Variants in HUWE1 observed in about 807,000 individuals in gnomAD.
The protein encoded by HUWE1 is HECT, UBA and WWE domain containing E3 ubiquitin protein ligase 1.
HUWE1 carries 18 observed loss-of-function variants against 299.4 expected under a neutral mutation model. The observed-to-expected ratio is 0.06, with a 90% CI of 0.04 to 0.09. The LOEUF (loss-of-function observed/expected upper bound fraction) is 0.09, where lower values mean the gene tolerates loss of function less well. Among genes scored for constraint, HUWE1 ranks in the 10% least tolerant of loss-of-function variants. The pLI is 1.00. For missense variants in HUWE1, 1,832 were observed against 3,462.3 expected, an observed-to-expected ratio of 0.53 and a Z score of 11.82; for synonymous variants, 1,317 against 1,286.1, an observed-to-expected ratio of 1.02 and a Z score of -0.51.
intron 76 of HUWE1, 126 bp downstream of exon 76, chrX:53,538,709 C>G (rs1556915373): frequency 3.3e-6 from 2 of 613,807 alleles, no homozygotes; most frequent in Non-Finnish European, 5.1e-6. Flanking sequence ...CACACACACA[C>G]ACACACACAC....
chrX:53,571,169 T>C (rs1488668369), intron 47 of HUWE1, among the ~76,000 whole-genome samples: 1 of 112,065 alleles, frequency 8.9e-6, no homozygotes, highest in African/African-American at 3.2e-5. Flanking sequence ...AACAATAGTA[T>C]TTATAAAGCA....
intron 23 of HUWE1, among the ~76,000 whole-genome samples, chrX:53,613,114 G>A (rs980780086): frequency 1.8e-5 from 2 of 111,532 alleles, no homozygotes; most frequent in East Asian, 2.8e-4. Context: ...AAAAAAAGTC[G>A]TGCTTTTTTC....
chrX:53,633,262 G>T lies in HUWE1; in HGVS notation c.568-698C>A, dbSNP rs1157021808. On this transcript the variant is annotated intron_variant, in intron 8 of 83. Transcript: ENST00000262854. ...GACACCACTTGCAGTGGTTGCCTCT[G>T]GAAAATTAAGAAGTTACCACTGCAT... is the stretch of plus-strand genomic sequence containing the variant. Among the ~76,000 whole-genome samples, 6 of 112,040 alleles carry T rather than the reference G, an allele frequency of 5.4e-5. No homozygotes were observed. In the Admixed American group the frequency reaches 5.6e-4, roughly 11 times the overall value.
intron 19 of HUWE1, among the ~76,000 whole-genome samples, chrX:53,621,570 C>T (rs184339078): frequency 9.3e-6 from 1 of 107,673 alleles, no homozygotes; most frequent in Non-Finnish European, 1.9e-5. Context: ...ATGGTAACTG[C>T]CCTTGTAACT....
intron 47 of HUWE1, among the ~76,000 whole-genome samples, chrX:53,573,201 T>G (rs1161968909): frequency 9.0e-6 from 1 of 111,544 alleles, no homozygotes; most frequent in Non-Finnish European, 1.9e-5. Flanking sequence ...TCTCATTAAC[T>G]CTCTCTCTCA....
chrX:53,569,556 T>A (rs1488718485), intron 48 of HUWE1, 60 bp downstream of exon 48: 2 of 1,086,065 alleles, frequency 1.8e-6, no homozygotes, highest in African/African-American at 3.6e-5. Context: ...ACCCATGGAC[T>A]AAGAAGAAGA....
intron 80 of HUWE1, chrX:53,535,869 G>C (rs2061023838): frequency 2.8e-6 from 1 of 356,500 alleles, no homozygotes; most frequent in Non-Finnish European, 4.8e-6. Context: ...ACTTACATTT[G>C]TACGATTTTT....
Position 53,559,054 on chromosome X carries a change from A to G in HUWE1, c.7922T>C (p.Leu2641Pro). 2 of 1,163,129 alleles carry G rather than the reference A, an allele frequency of 1.7e-6. No homozygotes were observed. The highest frequency in any genetic ancestry group is 2.3e-6 in the Non-Finnish European group (2 of 867,793). Residue 2641 changes from leucine to proline, a missense_variant, in exon 58 of 84, where the codon CTG becomes CCG. Coordinates refer to ENST00000262854, the MANE Select transcript of HUWE1 (RefSeq NM_031407.7). ...QSTATSQAGTLSSIPTALTRW... is the reference protein window; with the variant it reads ...QSTATSQAGTPSSIPTALTRW... ...GGTCAGGGCTGTGGGGATGCTGGAC[A>G]GGGTTCCTGTAGGGACAGCAAAGGG...
rs1247864387 is a variant in HUWE1, at chrX:53,532,724, C to T, written c.*585G>A. The T allele has an allele frequency of 1.8e-5, 2 of 109,508 alleles. No homozygotes were observed. The highest frequency in any genetic ancestry group is 6.7e-5 in the African/African-American group (2 of 30,045). The allele number at this position is 109,508 out of a possible 1,213,427, so 9.0% of individuals were successfully genotyped here. On this transcript the variant is annotated 3_prime_UTR_variant, in exon 84 of 84. Coordinates refer to ENST00000262854, the MANE Select transcript of HUWE1 (RefSeq NM_031407.7). ...GGAGAATCCATCTTTTCTCCAGATGCCTAGCATGTGCTTAAGAGTTTTTTG... is the reference window on the plus strand; with the variant it reads ...GGAGAATCCATCTTTTCTCCAGATGTCTAGCATGTGCTTAAGAGTTTTTTG...
At chrX:53,534,744 C>T (rs782639241) in intron 81 of HUWE1, 47 bp from the exon 82 acceptor site, 32 of 1,120,578 alleles carry the variant, frequency 2.9e-5, no homozygotes, top group East Asian at 2.7e-4. Context: ...CTCACACAAC[C>T]GTAGAGGTCA....
intron 25 of HUWE1, among the ~76,000 whole-genome samples, chrX:53,606,202 T>C (rs2065145502): frequency 8.9e-6 from 1 of 112,486 alleles, no homozygotes; most frequent in African/African-American, 3.2e-5. Context: ...GCAAATCATA[T>C]ACCTGAGAAG....
At chrX:53,602,763 C>G in intron 27 of HUWE1, 105 bp from the exon 28 acceptor site, 2 of 443,327 alleles carry the variant, frequency 4.5e-6, no homozygotes, top group South Asian at 1.0e-4. Context: ...TGACACTATC[C>G]CTCCTATAGC....
At chrX:53,575,046 G>T in intron 46 of HUWE1, 109 bp downstream of exon 46, 1 of 576,909 alleles carries the variant, frequency 1.7e-6, no homozygotes. Flanking sequence ...ACCAGTAAAC[G>T]TAATAATTAA....
At position 53,619,608 on chromosome X, in the gene HUWE1, A is replaced by C. The variant is rs1459133864; in HGVS notation, c.1673-2162T>G. ...AATAGAAGAAAAAAAAAAAAAAAAA[A>C]AAAGGCAGAAGCAGGAACTATATAC... On this transcript the variant is annotated intron_variant, in intron 19 of 83. Transcript: ENST00000262854. Among the ~76,000 whole-genome samples, 53 of 108,802 alleles carry C rather than the reference A, an allele frequency of 4.9e-4. 1 individual carries two copies. Among genetic ancestry groups the C allele is most frequent in the Non-Finnish European group, 3.8e-5 (2 of 52,241 alleles). The allele number at this position is 108,802 out of a possible 115,157, so 94.5% of individuals were successfully genotyped here.
At position 53,662,331 on chromosome X, in the gene HUWE1, C is replaced by T. The variant is rs190618665; in HGVS notation, c.-24-8200G>A. ...ATCCACCTCTCTATGCTTGTTTCCTCAACTGTGTAATTATTCTTTCCATTT... is the reference window on the plus strand; with the variant it reads ...ATCCACCTCTCTATGCTTGTTTCCTTAACTGTGTAATTATTCTTTCCATTT... On this transcript the variant is annotated intron_variant, in intron 3 of 83. Transcript: ENST00000262854. Among the ~76,000 whole-genome samples, 11 of 111,910 alleles carry T rather than the reference C, an allele frequency of 9.8e-5. No individual in the cohort carries two copies. The East Asian group carries it at 3.1e-3, about 31-fold the overall frequency.
chrX:53,544,147 G>A (rs2061460649), intron 72 of HUWE1, among the ~76,000 whole-genome samples, 179 bp from the exon 73 acceptor site: 1 of 112,770 alleles, frequency 8.9e-6, no homozygotes, highest in Non-Finnish European at 1.9e-5. Context: ...ACAGATAAGG[G>A]CAGGGGGCAT....
chrX:53,657,091 A>T (rs2068783168), intron 3 of HUWE1, among the ~76,000 whole-genome samples: 1 of 112,256 alleles, frequency 8.9e-6, no homozygotes, highest in South Asian at 3.7e-4. Context: ...TTACTAGGAG[A>T]AAATATTTGC....
chrX:53,648,151 G>T, intron 5 of HUWE1, 61 bp downstream of exon 5: 2 of 720,078 alleles, frequency 2.8e-6, no homozygotes, highest in South Asian at 2.1e-5. Flanking sequence ...CCATATCAGA[G>T]CATACAAAAT....
At chrX:53,559,923 A>C (rs1438115100) in intron 56 of HUWE1, among the ~76,000 whole-genome samples, 1 of 112,408 alleles carries the variant, frequency 8.9e-6, no homozygotes, top group Non-Finnish European at 1.9e-5. Flanking sequence ...GTCTATATCT[A>C]AAGTGTTAAG....
Sources: allele counts gnomAD v4.1 joint callset (sites outside exome capture counted in the v4.1 genomes callset), GRCh38; gene constraint gnomAD v4.1.1; transcripts MANE v1.5; gene names NCBI Gene and HGNC (gene_info 2026-07-23, HGNC 2026-07-21).